Variants in ASIC2 observed in about 807,000 individuals in gnomAD.
ASIC2 encodes acid sensing ion channel subunit 2.
ASIC2 carries 25 observed loss-of-function variants against 57.3 expected under a neutral mutation model. That is an observed-to-expected ratio of 0.44 (90% CI 0.32 to 0.61). The LOEUF is 0.61. ASIC2 is among the 20% of genes least tolerant of loss of function. The pLI is 0.06. For synonymous variants in ASIC2, 319 were observed against 307.5 expected (o/e 1.04, Z -0.39); for missense variants, 641 against 738.1 (o/e 0.87, Z 1.52).
chr17:33,673,163 G>A (rs1271173235), intron 1 of ASIC2, among the ~76,000 whole-genome samples: 2 of 152,168 alleles, frequency 1.3e-5, no homozygotes, highest in African/African-American at 4.8e-5. Context: ...GCAGGGGAGT[G>A]CAGGAGGCGG....
intron 1 of ASIC2, among the ~76,000 whole-genome samples, chr17:33,957,710 T>C (rs1264438743): frequency 6.6e-6 from 1 of 152,112 alleles, no homozygotes; most frequent in African/African-American, 2.4e-5. Context: ...GAGATTTGGG[T>C]GGGGACACAC....
intron 1 of ASIC2, among the ~76,000 whole-genome samples, chr17:33,221,192 A>G (rs567949338): frequency 1.3e-5 from 2 of 152,270 alleles, no homozygotes; most frequent in East Asian, 3.9e-4. Context: ...TGTAAATCCA[A>G]ATGAGATCTG....
chr17:33,551,050 A>G (rs2141976721), intron 1 of ASIC2, among the ~76,000 whole-genome samples: 1 of 152,326 alleles, frequency 6.6e-6, no homozygotes, highest in South Asian at 2.1e-4. Flanking sequence ...TTATGCCTAG[A>G]AAATAAATAA....
At chr17:33,363,975 T>C (rs889714941) in intron 1 of ASIC2, among the ~76,000 whole-genome samples, 1 of 152,164 alleles carries the variant, frequency 6.6e-6, no homozygotes, top group Non-Finnish European at 1.5e-5. Context: ...CTTTCCTCAC[T>C]GCATAATGGA....
Position 34,147,803 on chromosome 17 carries a change from G to A in ASIC2, c.555+8175C>T, listed in dbSNP as rs572604786. Among the ~76,000 whole-genome samples, 12 of 152,270 alleles carry A rather than the reference G, an allele frequency of 7.9e-5. No homozygotes were observed. The East Asian group carries it at 2.3e-3, about 29-fold the overall frequency. ...GAGAAAGCACACAGCAAATTTTCAGGTCTCTCTAGACTCAGGTGGTATCGT... is the reference window on the plus strand; with the variant it reads ...GAGAAAGCACACAGCAAATTTTCAGATCTCTCTAGACTCAGGTGGTATCGT... On this transcript the variant is annotated intron_variant, in intron 1 of 9. Coordinates refer to the ASIC2 transcript ENST00000359872.
rs151278774 is a variant in ASIC2, at chr17:33,227,719, A to T, written c.708+63689T>A. 3.7e-3 allele frequency among the ~76,000 whole-genome samples: 567 copies of T among 152,192 alleles called. 4 individuals are homozygous for T. Among genetic ancestry groups the T allele is most frequent in the Non-Finnish European group, 5.5e-3 (373 of 68,018 alleles). ...ATTACCTCATAGAAGCCACATAAAAACCCAATCTGATAGGTGCTCTTATTG... is the reference window on the plus strand; with the variant it reads ...ATTACCTCATAGAAGCCACATAAAATCCCAATCTGATAGGTGCTCTTATTG... On this transcript the variant is annotated intron_variant, in intron 1 of 9. Transcript: ENST00000225823.
intron 1 of ASIC2, among the ~76,000 whole-genome samples, chr17:33,136,356 A>G (rs1481070194): frequency 1.3e-5 from 2 of 152,252 alleles, no homozygotes; most frequent in African/African-American, 2.4e-5. Context: ...AATACACACA[A>G]TAAAACAAGT....
At chr17:33,759,016 A>G (rs1174811881) in intron 1 of ASIC2, among the ~76,000 whole-genome samples, 1 of 152,110 alleles carries the variant, frequency 6.6e-6, no homozygotes, top group Non-Finnish European at 1.5e-5. Context: ...AATTTGGAAG[A>G]GCAGGCTAGA....
At chr17:33,694,562 A>G (rs1908471091) in intron 1 of ASIC2, among the ~76,000 whole-genome samples, 1 of 152,178 alleles carries the variant, frequency 6.6e-6, no homozygotes, top group Admixed American at 6.5e-5. Flanking sequence ...TGCCAACCTC[A>G]GATTTTACCT....
rs187597471 is a variant in ASIC2 at position 33,935,187 on chromosome 17, C to G, written c.555+220791G>C. Among the ~76,000 whole-genome samples, 302 of 152,342 alleles carry G rather than the reference C, an allele frequency of 2.0e-3. 1 individual carries two copies. Among genetic ancestry groups the G allele is most frequent in the South Asian group, 3.7e-3 (18 of 4,824 alleles). On this transcript the variant is annotated intron_variant, in intron 1 of 9. Coordinates refer to the ASIC2 transcript ENST00000359872. ...ACACTGCCCCCTACATCTGGAACACCCTGCCCTTTCTTTTCAGCCCCCAAA... is the reference window on the plus strand; with the variant it reads ...ACACTGCCCCCTACATCTGGAACACGCTGCCCTTTCTTTTCAGCCCCCAAA...
At chr17:33,495,027 G>GTGAAT (rs1913883359) in intron 1 of ASIC2, among the ~76,000 whole-genome samples, 3 of 152,200 alleles carry the variant, frequency 2.0e-5, no homozygotes, top group Non-Finnish European at 4.4e-5. Flanking sequence ...CAAAGAAGAA[G>GTGAAT]TGAATTGAAT....
intron 1 of ASIC2, among the ~76,000 whole-genome samples, chr17:33,519,603 T>C (rs1383646618): frequency 6.6e-6 from 1 of 152,158 alleles, no homozygotes; most frequent in East Asian, 1.9e-4. Context: ...GGGTCTCGGC[T>C]CACTGTCATG....
intron 1 of ASIC2, among the ~76,000 whole-genome samples, chr17:33,671,597 T>C (rs1016637568): frequency 1.3e-5 from 2 of 152,230 alleles, no homozygotes; most frequent in Non-Finnish European, 1.5e-5. Context: ...AGACCTCATA[T>C]GATTAAGACA....
intron 2 of ASIC2, among the ~76,000 whole-genome samples, chr17:33,103,065 G>A (rs567592813): frequency 1.3e-5 from 2 of 152,316 alleles, no homozygotes; most frequent in South Asian, 2.1e-4. Context: ...TTACAGGCCT[G>A]AGCCACAGCA....
At chr17:33,015,293 T>A (rs867806865) in intron 9 of ASIC2, among the ~76,000 whole-genome samples, 5 of 152,182 alleles carry the variant, frequency 3.3e-5, no homozygotes, top group Admixed American at 6.5e-5. Context: ...AGCGAAGGCC[T>A]GAGCCCAGGA....
At chr17:33,141,197 C>T (rs1429728719) in intron 1 of ASIC2, among the ~76,000 whole-genome samples, 2 of 152,198 alleles carry the variant, frequency 1.3e-5, no homozygotes, top group Admixed American at 1.3e-4. Context: ...TTGAAGGACT[C>T]CTCCCCAAGG....
chr17:33,317,751 C>T (rs1906713855), intron 1 of ASIC2, among the ~76,000 whole-genome samples: 1 of 152,074 alleles, frequency 6.6e-6, no homozygotes. Context: ...AAAAGAAGGT[C>T]AGAGAAGATA....
At chr17:33,503,910 G>A (rs1298943366) in intron 1 of ASIC2, among the ~76,000 whole-genome samples, 2 of 152,192 alleles carry the variant, frequency 1.3e-5, no homozygotes. Context: ...ATTGATCTGA[G>A]TTCAGAGAGC....
At chr17:33,176,392 T>C (rs759852730) in intron 1 of ASIC2, among the ~76,000 whole-genome samples, 1 of 152,212 alleles carries the variant, frequency 6.6e-6, no homozygotes, top group Non-Finnish European at 1.5e-5. Context: ...TTGACCAGGC[T>C]GGAGTACAGT....
Sources: gnomAD v4.1 joint callset for allele counts (sites outside exome capture counted in the v4.1 genomes callset) on GRCh38, gnomAD v4.1.1 for gene constraint, MANE v1.5 for transcripts, NCBI Gene and HGNC (gene_info 2026-07-23, HGNC 2026-07-21) for gene names.